ADGRF1: variants seen among roughly 807,000 people sequenced by gnomAD.
ADGRF1 encodes the protein adhesion G protein-coupled receptor F1.
A neutral mutation model predicts 87.2 loss-of-function variants in ADGRF1; 85 were observed. That is an observed-to-expected ratio of 0.97 (90% CI 0.82 to 1.17). The LOEUF (loss-of-function observed/expected upper bound fraction) is 1.17. Ranked by LOEUF, ADGRF1 falls within the 50% of genes most tolerant of loss-of-function variation. ADGRF1 has a pLI of 0.00. For synonymous variants in ADGRF1, 430 were observed against 408.8 expected (o/e 1.05, Z -0.63); for missense variants, 1,169 against 1,077.2 (o/e 1.09, Z -1.19).
intron 13 of ADGRF1, among the ~76,000 whole-genome samples, chr6:47,004,061 A>G (rs1420848017): frequency 1.3e-5 from 2 of 151,978 alleles, no homozygotes; most frequent in Admixed American, 1.3e-4. Context: ...TTGTTTTCAG[A>G]GTCTCTTCAC....
In ADGRF1 at chr6:47,033,963, A is replaced by T. The variant is rs189221659; in HGVS notation, c.-43-4859T>A. Among the ~76,000 whole-genome samples, 544 of 152,346 alleles carry T rather than the reference A, an allele frequency of 3.6e-3. 2 individuals carry two copies. The highest frequency in any genetic ancestry group is 5.7e-3 in the Non-Finnish European group (385 of 68,024). On this transcript the variant is annotated intron_variant, in intron 1 of 14. Coordinates refer to ENST00000371253, the MANE Select transcript of ADGRF1 (RefSeq NM_153840.4). ...TTCCTCTGGAAGGACAGTAATTTAA[A>T]GTCATTTAAAATCTCAGGGAAGGTC...
chr6:47,010,276 C>T lies in ADGRF1; in HGVS notation c.1159G>A (p.Val387Ile). ...IADNILNSASVTNWTVLLREE... is the reference protein window; with the variant it reads ...IADNILNSASITNWTVLLREE... ...CGCAGTAAGACTGTCCAGTTGGTTA[C>T]TGAGGCTGAATTAAGGATATTGTCA... Residue 387 changes from valine (V) to isoleucine (I), a missense_variant, in exon 11 of 15, where the codon GTA becomes ATA. Transcript: ENST00000371253. 1.2e-6 allele frequency: 2 copies of T among 1,613,218 alleles called. No homozygotes were observed. Among genetic ancestry groups the T allele is most frequent in the African/African-American group, 1.3e-5 (1 of 75,000 alleles).
Position 47,024,084 on chromosome 6 carries a change from G to A in ADGRF1, c.411C>T (p.Leu137=), listed in dbSNP as rs370640740. Residue 137 remains leucine (L), a synonymous_variant, in exon 5 of 15, where the codon CTC becomes CTT. Coordinates refer to ENST00000371253, the MANE Select transcript of ADGRF1 (RefSeq NM_153840.4). ...AATTGACACTCTGGCTGAGGTTGTT[G>A]AGATGACATTCACAGCTTGGGAGTG... ...AGALPSCECH[L]NNLSQSVNFC... 1.9e-5 allele frequency: 31 copies of A among 1,614,114 alleles called. No homozygotes were observed. In the African/African-American group the frequency reaches 2.9e-4, roughly 15 times the overall value.
chr6:47,039,928 C>T (rs1421605911), intron 1 of ADGRF1, among the ~76,000 whole-genome samples: 1 of 152,016 alleles, frequency 6.6e-6, no homozygotes, highest in African/African-American at 2.4e-5. Flanking sequence ...TGCCGCTGCA[C>T]TCCAGCCTGA....
At chr6:47,011,058 C>T (rs1042320953) in intron 10 of ADGRF1, among the ~76,000 whole-genome samples, 4 of 152,194 alleles carry the variant, frequency 2.6e-5, no homozygotes, top group African/African-American at 9.7e-5. Flanking sequence ...AGTCCAGAAT[C>T]CCATGATGTT....
chr6:46,997,787 T>A lies in ADGRF1; in HGVS notation c.*2435A>T, dbSNP rs1779254458. 6.6e-6 allele frequency: 1 copy of A among 151,982 alleles called. No homozygotes were observed. The highest frequency in any genetic ancestry group is 1.5e-5 in the Non-Finnish European group (1 of 68,032). 9.4% of individuals were successfully genotyped at this position (151,982 alleles called of 1,614,324 possible). On this transcript the variant is annotated 3_prime_UTR_variant, in exon 15 of 15. Coordinates refer to ENST00000371253, the MANE Select transcript of ADGRF1 (RefSeq NM_153840.4). ...GCATAATCAGTGAATTAGACAAGCA[T>A]GCACATACATGATATCTGATCAAAC...
In ADGRF1 at chr6:47,009,036, A is replaced by C; in HGVS notation, c.2399T>G (p.Leu800Arg). The change falls in exon 11 of 15, where the codon CTA becomes CGA. Residue 800 changes from leucine to arginine, a missense_variant. Leu to Arg is a moderately radical substitution (Grantham distance 102). Transcript: ENST00000371253. Reference sequence around the variant, plus strand: ...TATTCCAAAGCCCCAGGTGAGCCCTAGCAGAGGGGTCAGAATGAGGAGGCT... The same window carrying C: ...TATTCCAAAGCCCCAGGTGAGCCCTCGCAGAGGGGTCAGAATGAGGAGGCT... Reference protein sequence around the residue: ...GKSLLILTPLLGLTWGFGIGT... With the variant: ...GKSLLILTPLRGLTWGFGIGT... 6.2e-7 allele frequency: 1 copy of C among 1,614,062 alleles called. No homozygotes were observed. Among genetic ancestry groups the C allele is most frequent in the Non-Finnish European group, 8.5e-7 (1 of 1,179,986 alleles).
At chr6:47,021,065 G>A (rs1368699472) in intron 6 of ADGRF1, among the ~76,000 whole-genome samples, 2 of 152,194 alleles carry the variant, frequency 1.3e-5, no homozygotes, top group African/African-American at 4.8e-5. Flanking sequence ...TAGAATAGGA[G>A]ATGAATTTGA....
chr6:47,007,772 A>G (rs182720422), intron 11 of ADGRF1, among the ~76,000 whole-genome samples: 1 of 152,232 alleles, frequency 6.6e-6, no homozygotes, highest in African/African-American at 2.4e-5. Flanking sequence ...GTTTTGGTGG[A>G]TCTTGAATTC....
chr6:47,022,082 A>G (rs779043593), intron 5 of ADGRF1, 24 bp from the exon 6 acceptor site: 1 of 1,283,772 alleles, frequency 7.8e-7, no homozygotes, highest in South Asian at 1.3e-5. Flanking sequence ...AAATAAGTTT[A>G]TAGACATAAT....
intron 8 of ADGRF1, among the ~76,000 whole-genome samples, chr6:47,015,064 C>T (rs1779826012): frequency 6.6e-6 from 1 of 152,196 alleles, no homozygotes; most frequent in African/African-American, 2.4e-5. Context: ...GCTGACTCCT[C>T]CTTCCAGGTG....
intron 5 of ADGRF1, among the ~76,000 whole-genome samples, chr6:47,023,766 G>GC (rs1780142167): frequency 6.6e-6 from 1 of 152,156 alleles, no homozygotes; most frequent in Non-Finnish European, 1.5e-5. Flanking sequence ...TGGAATTTTA[G>GC]CAACTCTTCC....
At chr6:47,008,883 C>A (rs1779605890) in intron 11 of ADGRF1, 62 bp downstream of exon 11, 4 of 1,463,602 alleles carry the variant, frequency 2.7e-6, no homozygotes, top group Non-Finnish European at 3.7e-6. Flanking sequence ...GTTTTACCTG[C>A]CTGAGTTCTC....
At chr6:47,025,673 C>T (rs138993408) in intron 4 of ADGRF1, among the ~76,000 whole-genome samples, 181 bp downstream of exon 4, 61 of 152,290 alleles carry the variant, frequency 4.0e-4, no homozygotes, top group African/African-American at 1.5e-3. Context: ...GTACTGGTGG[C>T]AACAAATACA....
rs899418302 is a variant in ADGRF1 at position 47,027,594 on chromosome 6, T to A, written c.127+110A>T. The A allele has an allele frequency of 7.3e-6, 5 of 687,180 alleles. No homozygotes were observed. The African/African-American group carries it at 9.0e-5, about 12-fold the overall frequency. The allele number at this position is 687,180 out of a possible 1,614,324, so 42.6% of individuals were successfully genotyped here. A position where few individuals can be genotyped will look rare whatever the true frequency, so the allele number is the denominator to read the frequency against. On this transcript the variant is annotated intron_variant, in intron 3 of 14. Transcript: ENST00000371253. The stretch of plus-strand genomic sequence containing the variant: ...CATTCTCCTTGTACATATTTGGATG[T>A]TTAATAATGTGCCTAGGATCATACA...
In ADGRF1 at chr6:47,016,518, C is replaced by T. The variant is rs536619333; in HGVS notation, c.763+99G>A. ...GCTGAAAGGCAGTTAGAGAACAATT[C>T]GTTATTCAAACGTCTCAAATCTACT... On this transcript the variant is annotated intron_variant, in intron 8 of 14. Coordinates refer to ENST00000371253, the MANE Select transcript of ADGRF1 (RefSeq NM_153840.4). The T allele has an allele frequency of 6.3e-5, 83 of 1,322,928 alleles. 1 individual carries two copies. The South Asian group carries it at 1.3e-3, about 22-fold the overall frequency. The allele number at this position is 1,322,928 out of a possible 1,614,324, so 81.9% of individuals were successfully genotyped here.
At chr6:47,023,606 T>A (rs990508206) in intron 5 of ADGRF1, among the ~76,000 whole-genome samples, 1 of 152,210 alleles carries the variant, frequency 6.6e-6, no homozygotes, top group Non-Finnish European at 1.5e-5. Flanking sequence ...TTGTTGACAA[T>A]TGAGAGATTT....
At position 47,022,067 on chromosome 6, in the gene ADGRF1, AATAAAAATAAGTTTATAGAC is replaced by A. The variant is rs1561875032; in HGVS notation, c.452-29_452-10del. ...GAAAGTGCCCCAAATCTCTGTAGGA[AATAAAAATAAGTTTATAGAC>A]ATAATAAATTTCTAACTTGATTTAC... On this transcript the variant is annotated splice_polypyrimidine_tract_variant and intron_variant, in intron 5 of 14. Transcript: ENST00000371253. 6.9e-7 allele frequency: 1 copy of A among 1,458,102 alleles called. No homozygotes were observed. The allele number at this position is 1,458,102 out of a possible 1,614,324, so 90.3% of individuals were successfully genotyped here.
At chr6:47,003,324 T>TA (rs1275699358) in intron 13 of ADGRF1, among the ~76,000 whole-genome samples, 1 of 152,208 alleles carries the variant, frequency 6.6e-6, no homozygotes, top group East Asian at 1.9e-4. Flanking sequence ...CAAAGTATTT[T>TA]ACCACAAAAT....
Sources: allele counts gnomAD v4.1 joint callset (sites outside exome capture counted in the v4.1 genomes callset), GRCh38; gene constraint gnomAD v4.1.1; transcripts MANE v1.5; gene names NCBI Gene and HGNC (gene_info 2026-07-23, HGNC 2026-07-21).